SLC8A3: variants seen among roughly 807,000 people sequenced by gnomAD.
SLC8A3 encodes solute carrier family 8 member A3, also known as sodium/calcium exchanger 3.
SLC8A3 carries 37 observed loss-of-function variants against 65.4 expected under a neutral mutation model. That is an observed-to-expected ratio of 0.57 (90% CI 0.44 to 0.74). The LOEUF is 0.74. Ranked by LOEUF, SLC8A3 falls within the 30% of genes least tolerant of loss-of-function variation. SLC8A3 has a pLI of 0.00. For missense variants in SLC8A3, 1,112 were observed against 1,172.1 expected (o/e 0.95, Z 0.75); for synonymous variants, 461 against 444.5 (o/e 1.04, Z -0.47).
At chr14:70,095,879 ATCT>A (rs1314246837) in intron 2 of SLC8A3, among the ~76,000 whole-genome samples, 1 of 151,658 alleles carries the variant, frequency 6.6e-6, no homozygotes, top group Admixed American at 6.6e-5. Context: ...ATACCCATAT[ATCT>A]TCTTTTTTTT....
chr14:70,073,843 A>C lies in SLC8A3; in HGVS notation c.1785-12904T>G, dbSNP rs147059421. On this transcript the variant is annotated intron_variant, in intron 2 of 6. Coordinates refer to ENST00000356921, the MANE Select transcript of SLC8A3 (RefSeq NM_182932.3). ...GCTCTTCAGGACTTGGGTCAAATGCAGTCAAAACGCCCTGCCTTCCACCTT... is the reference window on the plus strand; with the variant it reads ...GCTCTTCAGGACTTGGGTCAAATGCCGTCAAAACGCCCTGCCTTCCACCTT... Among the ~76,000 whole-genome samples, 33 of 152,330 alleles carry C rather than the reference A, an allele frequency of 2.2e-4. 1 individual carries two copies. The highest frequency in any genetic ancestry group is 7.5e-4 in the African/African-American group (31 of 41,574).
At chr14:70,084,900 A>G (rs1015417762) in intron 2 of SLC8A3, among the ~76,000 whole-genome samples, 1 of 152,178 alleles carries the variant, frequency 6.6e-6, no homozygotes, top group African/African-American at 2.4e-5. Context: ...AAGAATGAGT[A>G]ATAACGTTTA....
chr14:70,178,997 T>C (rs1739352153), intron 1 of SLC8A3, among the ~76,000 whole-genome samples: 1 of 152,180 alleles, frequency 6.6e-6, no homozygotes, highest in Non-Finnish European at 1.5e-5. Context: ...TGCTGACCTT[T>C]CAAATCTCCT....
At chr14:70,069,087 G>A (rs562000918) in intron 2 of SLC8A3, among the ~76,000 whole-genome samples, 68 of 152,142 alleles carry the variant, frequency 4.5e-4, no homozygotes, top group Non-Finnish European at 6.6e-4. Context: ...TTGCTCAGTC[G>A]CACAGCTATT....
chr14:70,169,300 T>C (rs1045289427), intron 1 of SLC8A3, among the ~76,000 whole-genome samples: 3 of 152,036 alleles, frequency 2.0e-5, no homozygotes, highest in South Asian at 4.1e-4. Context: ...ACAGAGGCCA[T>C]GTAAGTTGTG....
At chr14:70,185,896 A>T (rs1325793648) in intron 1 of SLC8A3, among the ~76,000 whole-genome samples, 2 of 152,244 alleles carry the variant, frequency 1.3e-5, no homozygotes, top group East Asian at 3.8e-4. Context: ...GACTTAGCAC[A>T]TGCCTGACAG....
chr14:70,094,804 C>T (rs1892043955), intron 2 of SLC8A3, among the ~76,000 whole-genome samples: 1 of 152,232 alleles, frequency 6.6e-6, no homozygotes, highest in Non-Finnish European at 1.5e-5. Context: ...TTCCCATCTG[C>T]CAGGGCTGCT....
In SLC8A3 at chr14:70,052,086, T is replaced by G; in HGVS notation, c.1917A>C (p.Glu639Asp). The G allele has an allele frequency of 6.2e-7, 1 of 1,604,250 alleles. No individual in the cohort carries two copies. Among genetic ancestry groups the G allele is most frequent in the Non-Finnish European group, 8.5e-7 (1 of 1,177,420 alleles). ...SDVTDRKLTM[E>D]EEEAKRIAEM... ...CTGCTATCCTCTTGGCCTCCTCTTC[T>G]TCCATAGTCAGCTTCCTGTCTGTCA... is the stretch of plus-strand genomic sequence containing the variant. Residue 639 changes from glutamate to aspartate, a missense_variant, in exon 4 of 7, where the codon GAA (glutamate) becomes GAC (aspartate). By Grantham distance (45) the Glu-to-Asp change is conservative. Transcript: ENST00000356921.
At position 70,167,525 on chromosome 14, in the gene SLC8A3, T is replaced by G; in HGVS notation, c.898A>C (p.Asn300His). Residue 300 changes from asparagine (N) to histidine (H), a missense_variant, in exon 2 of 7, where the codon AAC (asparagine) becomes CAC (histidine). Transcript: ENST00000356921. ...KMMNSHFLDG[N>H]LVPLEGKEVD... ...TCCTTCCCTTCCAGGGGCACCAGGTTCCCATCTAGAAAATGGGAATTCATC... is the reference window on the plus strand; with the variant it reads ...TCCTTCCCTTCCAGGGGCACCAGGTGCCCATCTAGAAAATGGGAATTCATC... The G allele has an allele frequency of 6.2e-7, 1 of 1,613,994 alleles. No individual in the cohort carries two copies. The highest frequency in any genetic ancestry group is 8.5e-7 in the Non-Finnish European group (1 of 1,179,986).
At chr14:70,129,203 A>G (rs989397390) in intron 2 of SLC8A3, among the ~76,000 whole-genome samples, 6 of 152,216 alleles carry the variant, frequency 3.9e-5, no homozygotes, top group African/African-American at 1.4e-4. Context: ...AGAGAGTGTA[A>G]CAGCATGAGC....
At chr14:70,130,185 C>T (rs1410807631) in intron 2 of SLC8A3, among the ~76,000 whole-genome samples, 1 of 152,226 alleles carries the variant, frequency 6.6e-6, no homozygotes, top group Non-Finnish European at 1.5e-5. Flanking sequence ...GCTTCAGACC[C>T]TAAACATTTG....
chr14:70,180,179 G>A (rs1018112516), intron 1 of SLC8A3, among the ~76,000 whole-genome samples: 1 of 152,178 alleles, frequency 6.6e-6, no homozygotes. Context: ...AGCCATCAAG[G>A]GATGCTGGTG....
At chr14:70,142,423 T>C (rs202169298) in intron 2 of SLC8A3, among the ~76,000 whole-genome samples, 1 of 152,220 alleles carries the variant, frequency 6.6e-6, no homozygotes, top group Non-Finnish European at 1.5e-5. Context: ...TAAAATAAGA[T>C]ACAACGTCCA....
At chr14:70,080,334 C>T in intron 2 of SLC8A3, 2 of 681,460 alleles carry the variant, frequency 2.9e-6, no homozygotes, top group South Asian at 1.3e-4. Flanking sequence ...GATCGGTGGC[C>T]TTGGCTGTGG....
intron 3 of SLC8A3, among the ~76,000 whole-genome samples, chr14:70,057,331 TAG>T (rs1232840038): frequency 6.6e-6 from 1 of 151,146 alleles, no homozygotes; most frequent in African/African-American, 2.5e-5. Flanking sequence ...GATAGATAGA[TAG>T]ATAGGCAAGA....
chr14:70,064,066 G>A (rs980862045), intron 2 of SLC8A3: 5 of 590,644 alleles, frequency 8.5e-6, no homozygotes, highest in East Asian at 5.8e-5. Flanking sequence ...ACAGGGGCAC[G>A]GAGGAGAGTG....
chr14:70,175,004 T>C (rs931633538), intron 1 of SLC8A3, among the ~76,000 whole-genome samples: 1 of 152,124 alleles, frequency 6.6e-6, no homozygotes, highest in Non-Finnish European at 1.5e-5. Context: ...CATGCAATTG[T>C]CATATTTTGC....
At chr14:70,159,029 C>A (rs1896733522) in intron 2 of SLC8A3, among the ~76,000 whole-genome samples, 1 of 152,190 alleles carries the variant, frequency 6.6e-6, no homozygotes, top group Admixed American at 6.5e-5. Flanking sequence ...CTTCAACTAA[C>A]AATTATATGT....
chr14:70,159,418 A>G (rs1018102253), intron 2 of SLC8A3, among the ~76,000 whole-genome samples: 3 of 151,686 alleles, frequency 2.0e-5, no homozygotes, highest in Admixed American at 1.3e-4. Flanking sequence ...GTCAAAAAAA[A>G]AAAAAACAAA....
Sources: gnomAD v4.1 joint callset for allele counts (sites outside exome capture counted in the v4.1 genomes callset) on GRCh38, gnomAD v4.1.1 for gene constraint, MANE v1.5 for transcripts, NCBI Gene and HGNC (gene_info 2026-07-23, HGNC 2026-07-21) for gene names.